Variants in PLEKHM3 observed in about 807,000 individuals in gnomAD.
PLEKHM3 encodes the protein pleckstrin homology domain containing M3.
PLEKHM3 carries 45 observed loss-of-function variants against 81.8 expected under a neutral mutation model. The ratio of observed to expected loss-of-function variants is 0.55; its 90% CI spans 0.43 to 0.71. The LOEUF (loss-of-function observed/expected upper bound fraction) is 0.71. Among genes scored for constraint, PLEKHM3 ranks in the 30% least tolerant of loss-of-function variants. PLEKHM3 has a pLI of 0.00. For missense variants in PLEKHM3, 788 were observed against 924.3 expected (o/e 0.85, Z 1.91); for synonymous variants, 352 against 356.4 (o/e 0.99, Z 0.14).
At chr2:207,851,555 T>G (rs2092412599) in intron 7 of PLEKHM3, 1 of 151,170 alleles carries the variant, frequency 6.6e-6, no homozygotes. Flanking sequence ...CTGGCCAACA[T>G]GATGAAACCC....
intron 1 of PLEKHM3, among the ~76,000 whole-genome samples, chr2:208,016,030 T>C (rs1349240500): frequency 6.6e-6 from 1 of 151,678 alleles, no homozygotes; most frequent in Non-Finnish European, 1.5e-5. Flanking sequence ...CCTGTCTCTA[T>C]TAAAAATACA....
chr2:207,890,094 C>T (rs1222847613), intron 6 of PLEKHM3, among the ~76,000 whole-genome samples: 4 of 152,104 alleles, frequency 2.6e-5, no homozygotes, highest in Admixed American at 6.5e-5. Flanking sequence ...TGTGAGCCAC[C>T]GTCCCCTGCC....
At chr2:207,851,233 T>C (rs887222855) in intron 7 of PLEKHM3, 1 of 152,168 alleles carries the variant, frequency 6.6e-6, no homozygotes, top group Admixed American at 6.5e-5. Context: ...CATTTCTGTT[T>C]TTTTAGGATG....
chr2:208,014,294 G>T (rs958898266), intron 1 of PLEKHM3, among the ~76,000 whole-genome samples: 2 of 152,228 alleles, frequency 1.3e-5, no homozygotes, highest in African/African-American at 2.4e-5. Flanking sequence ...AAGGACAGAA[G>T]AATCTCTGCC....
At chr2:207,865,980 G>A (rs949393840) in intron 6 of PLEKHM3, among the ~76,000 whole-genome samples, 2 of 150,652 alleles carry the variant, frequency 1.3e-5, no homozygotes, top group East Asian at 2.0e-4. Flanking sequence ...TGCCTTCACT[G>A]TAAGTCTCTT....
chr2:207,891,304 A>C (rs903388557), intron 6 of PLEKHM3, among the ~76,000 whole-genome samples: 1 of 152,234 alleles, frequency 6.6e-6, no homozygotes, highest in Non-Finnish European at 1.5e-5. Flanking sequence ...TGCAGCCCTC[A>C]TGGGGCATTC....
intron 4 of PLEKHM3, among the ~76,000 whole-genome samples, chr2:207,942,854 T>C (rs1034290883): frequency 4.6e-5 from 7 of 152,044 alleles, no homozygotes; most frequent in African/African-American, 1.7e-4. Context: ...GAGCCGAGAT[T>C]GCACCACTGA....
At chr2:207,861,290 G>A (rs1559210984) in intron 6 of PLEKHM3, 28 bp from the exon 7 acceptor site, 1 of 1,609,890 alleles carries the variant, frequency 6.2e-7, no homozygotes, top group East Asian at 2.2e-5. Flanking sequence ...GGACAGGGAA[G>A]CACATTTATT....
intron 4 of PLEKHM3, among the ~76,000 whole-genome samples, chr2:207,931,488 T>G (rs1689596895): frequency 6.6e-6 from 1 of 152,216 alleles, no homozygotes; most frequent in African/African-American, 2.4e-5. Flanking sequence ...GAGGAAACTG[T>G]GAAAGGTACA....
At chr2:207,991,121 C>A (rs1391319002) in intron 2 of PLEKHM3, among the ~76,000 whole-genome samples, 1 of 152,206 alleles carries the variant, frequency 6.6e-6, no homozygotes, top group African/African-American at 2.4e-5. Flanking sequence ...TGAGGGCAAG[C>A]CTTAGCCTCT....
At chr2:207,828,624 GGA>G in intron 7 of PLEKHM3, 128 bp from the exon 8 acceptor site, 2 of 818,706 alleles carry the variant, frequency 2.4e-6, no homozygotes, top group Non-Finnish European at 3.8e-6. Context: ...CAATGGGAAG[GGA>G]GATGACTCAC....
At chr2:207,974,649 T>A (rs1023674880) in intron 3 of PLEKHM3, among the ~76,000 whole-genome samples, 6 of 152,224 alleles carry the variant, frequency 3.9e-5, no homozygotes, top group African/African-American at 1.4e-4. Context: ...TAAATTATTA[T>A]TGAATGTCTG....
rs1042591787 is a variant in PLEKHM3 at position 207,860,163 on chromosome 2, G to C, written c.2108+942C>G. ...CTGAACTCTGCCTCTGTGTGTGTGT[G>C]TGTGTGTGTGTGTGTGTGTGTGTGT... On this transcript the variant is annotated intron_variant, in intron 7 of 7. Transcript: ENST00000427836. Among the ~76,000 whole-genome samples the C allele has an allele frequency of 7.1e-4, 102 of 142,662 alleles. 1 individual carries two copies. Among genetic ancestry groups the C allele is most frequent in the African/African-American group, 2.7e-3 (101 of 36,762 alleles). The allele number at this position is 142,662 out of a possible 152,430, so 93.6% of individuals were successfully genotyped here.
At chr2:207,894,581 G>A (rs1219236550) in intron 6 of PLEKHM3, among the ~76,000 whole-genome samples, 6 of 107,934 alleles carry the variant, frequency 5.6e-5, no homozygotes, top group Non-Finnish European at 7.6e-5. Flanking sequence ...GGGGGGGTGG[G>A]GTTTGTTTTG....
At chr2:207,931,252 A>G (rs1689589856) in intron 4 of PLEKHM3, 133 bp from the exon 5 acceptor site, 1 of 862,706 alleles carries the variant, frequency 1.2e-6, no homozygotes, top group Non-Finnish European at 1.7e-6. Context: ...AAAAGTCTGT[A>G]GTTGAATTAA....
intron 7 of PLEKHM3, among the ~76,000 whole-genome samples, chr2:207,842,549 C>T (rs1258338187): frequency 2.0e-5 from 3 of 152,092 alleles, no homozygotes; most frequent in African/African-American, 7.2e-5. Flanking sequence ...AAAAATACTG[C>T]AATAATGCTT....
intron 3 of PLEKHM3, among the ~76,000 whole-genome samples, chr2:207,971,730 C>T (rs1337637737): frequency 6.6e-6 from 1 of 152,166 alleles, no homozygotes; most frequent in Non-Finnish European, 1.5e-5. Flanking sequence ...CATTGCCAAA[C>T]ACAATTTTAA....
chr2:207,857,464 A>G (rs1229678779), intron 7 of PLEKHM3, among the ~76,000 whole-genome samples: 1 of 152,082 alleles, frequency 6.6e-6, no homozygotes, highest in Non-Finnish European at 1.5e-5. Flanking sequence ...ATTCCTTTCA[A>G]TATTCCATAG....
In PLEKHM3 at chr2:207,860,151, C is replaced by CTGTGTGTGTGTGTGTGTG. The variant is rs55739776; in HGVS notation, c.2108+936_2108+953dup. On this transcript the variant is annotated intron_variant, in intron 7 of 7. Transcript: ENST00000427836. ...GGAAACTGGAGGCTGAACTCTGCCT[C>CTGTGTGTGTGTGTGTGTG]TGTGTGTGTGTGTGTGTGTGTGTGT... Among the ~76,000 whole-genome samples the CTGTGTGTGTGTGTGTGTG allele has an allele frequency of 5.9e-3, 650 of 110,732 alleles. 10 individuals are homozygous for CTGTGTGTGTGTGTGTGTG. Among genetic ancestry groups the CTGTGTGTGTGTGTGTGTG allele is most frequent in the East Asian group, 0.015 (46 of 3,064 alleles). The allele number at this position is 110,732 out of a possible 152,430, so 72.6% of individuals were successfully genotyped here. A position where few individuals can be genotyped will look rare whatever the true frequency, so the allele number is the denominator to read the frequency against.
Sources: gnomAD v4.1 joint callset for allele counts (sites outside exome capture counted in the v4.1 genomes callset) on GRCh38, gnomAD v4.1.1 for gene constraint, MANE v1.5 for transcripts, NCBI Gene and HGNC (gene_info 2026-07-23, HGNC 2026-07-21) for gene names.